Variants in ANKRD11 observed in about 807,000 individuals in gnomAD.
ANKRD11 encodes ankyrin repeat domain 11.
In ANKRD11, 17 loss-of-function variants were observed where a neutral mutation model predicts 195.7. The observed-to-expected ratio is 0.09, with a 90% CI of 0.06 to 0.13. The LOEUF is 0.13. Ranked by LOEUF, ANKRD11 falls within the 10% of genes least tolerant of loss-of-function variation. The pLI, the probability that ANKRD11 is intolerant of heterozygous loss-of-function variation, is 1.00. For missense variants in ANKRD11, 3,735 were observed against 3,566.1 expected (o/e 1.05, Z -1.21); for synonymous variants, 1,953 against 1,528.1 (o/e 1.28, Z -6.49).
chr16:89,355,901 C>G (rs1386049436), intron 2 of ANKRD11, among the ~76,000 whole-genome samples: 2 of 152,128 alleles, frequency 1.3e-5, no homozygotes, highest in Admixed American at 6.5e-5. Flanking sequence ...GTGCTCCCCC[C>G]AGCACAGCTC....
At chr16:89,275,920 G>A (rs991536319) in intron 9 of ANKRD11, among the ~76,000 whole-genome samples, 21 of 152,332 alleles carry the variant, frequency 1.4e-4, no homozygotes, top group Admixed American at 2.6e-4. Context: ...GAGCCCCGCA[G>A]TGCAGCAGAG....
At chr16:89,426,322 C>T (rs2042712925) in intron 1 of ANKRD11, among the ~76,000 whole-genome samples, 1 of 151,990 alleles carries the variant, frequency 6.6e-6, no homozygotes, top group African/African-American at 2.4e-5. Flanking sequence ...GAAAACAGCC[C>T]CAATAACACA....
rs575174461 is a variant in ANKRD11, at chr16:89,488,800, T to C, written c.-145+1445A>G. Among the ~76,000 whole-genome samples the C allele has an allele frequency of 3.3e-5, 5 of 152,342 alleles. 1 individual carries two copies. In the South Asian group the frequency reaches 1.0e-3, roughly 32 times the overall value. ...TTCTCATTTCAAGTGTTAAGGATAT[T>C]GCTCTAATGACTGCATAAAACTCTC... On this transcript the variant is annotated intron_variant, in intron 1 of 12. Coordinates refer to ENST00000301030, the MANE Select transcript of ANKRD11 (RefSeq NM_013275.6).
intron 2 of ANKRD11, among the ~76,000 whole-genome samples, chr16:89,366,784 C>T (rs574752864): frequency 6.6e-6 from 1 of 152,230 alleles, no homozygotes. Flanking sequence ...GTCCCACTTC[C>T]GGGGGCACCC....
chr16:89,460,220 A>G (rs562247318), intron 1 of ANKRD11, among the ~76,000 whole-genome samples: 1 of 152,296 alleles, frequency 6.6e-6, no homozygotes, highest in African/African-American at 2.4e-5. Context: ...CCTGGGCAAC[A>G]GACTAAGACA....
intron 1 of ANKRD11, among the ~76,000 whole-genome samples, chr16:89,479,306 T>A (rs1274472089): frequency 6.6e-6 from 1 of 151,804 alleles, no homozygotes; most frequent in Non-Finnish European, 1.5e-5. Context: ...AAGGAAAGTT[T>A]GCCTCCTAGA....
At chr16:89,324,547 G>T (rs969442373) in intron 2 of ANKRD11, 1 of 455,972 alleles carries the variant, frequency 2.2e-6, no homozygotes, top group East Asian at 6.9e-5. Flanking sequence ...GTCAGTGGAC[G>T]GGGAGAGGCC....
chr16:89,324,101 C>T (rs1842606616), intron 2 of ANKRD11: 4 of 452,670 alleles, frequency 8.8e-6, no homozygotes, highest in Non-Finnish European at 1.3e-5. Flanking sequence ...CTGCCGGCCT[C>T]GGCCTCCCAA....
intron 1 of ANKRD11, among the ~76,000 whole-genome samples, chr16:89,451,553 A>G (rs1206959287): frequency 6.6e-6 from 1 of 151,902 alleles, no homozygotes; most frequent in East Asian, 1.9e-4. Context: ...AGCTAAGATT[A>G]CTAAAGGCAC....
intron 1 of ANKRD11, among the ~76,000 whole-genome samples, chr16:89,484,353 T>C (rs1431422500): frequency 1.3e-5 from 2 of 152,194 alleles, no homozygotes; most frequent in Non-Finnish European, 2.9e-5. Context: ...TTTAGATAAG[T>C]TTAAACAGTA....
At chr16:89,359,390 T>C (rs1387601500) in intron 2 of ANKRD11, among the ~76,000 whole-genome samples, 2 of 152,206 alleles carry the variant, frequency 1.3e-5, no homozygotes, top group African/African-American at 4.8e-5. Context: ...AGCCAGCTCC[T>C]GGAGCCAGCC....
Position 89,307,454 on chromosome 16 carries a change from C to CA in ANKRD11, c.88-2111dup, listed in dbSNP as rs140176646. Among the ~76,000 whole-genome samples, 1,288 of 152,292 alleles carry CA rather than the reference C, an allele frequency of 8.5e-3. 15 individuals carry two copies. The highest frequency in any genetic ancestry group is 0.029 in the African/African-American group (1,204 of 41,554). Reference sequence around the variant, plus strand: ...TGCAAGCTCAGAGTGCAACTGGAGTCAAAGAGAAGCTGCCAAGCAGACCGG... The same window carrying CA: ...TGCAAGCTCAGAGTGCAACTGGAGTCAAAAGAGAAGCTGCCAAGCAGACCGG... On this transcript the variant is annotated intron_variant, in intron 3 of 12. Coordinates refer to ENST00000301030, the MANE Select transcript of ANKRD11 (RefSeq NM_013275.6).
At chr16:89,293,028 C>CA (rs1162857535) in intron 4 of ANKRD11, among the ~76,000 whole-genome samples, 2 of 152,192 alleles carry the variant, frequency 1.3e-5, no homozygotes, top group Non-Finnish European at 2.9e-5. Flanking sequence ...CGATAGCCCT[C>CA]AAGTCCTCCT....
intron 1 of ANKRD11, among the ~76,000 whole-genome samples, chr16:89,484,575 G>C (rs1307275562): frequency 6.6e-6 from 1 of 152,168 alleles, no homozygotes; most frequent in Non-Finnish European, 1.5e-5. Flanking sequence ...AAGAGCCATA[G>C]GGAGTCGAGG....
At chr16:89,353,169 C>A (rs1415367655) in intron 2 of ANKRD11, among the ~76,000 whole-genome samples, 2 of 152,022 alleles carry the variant, frequency 1.3e-5, no homozygotes, top group Non-Finnish European at 2.9e-5. Context: ...TGGTGAAACC[C>A]CGTCTCTACT....
intron 2 of ANKRD11, among the ~76,000 whole-genome samples, chr16:89,344,042 C>G (rs757931540): frequency 1.3e-5 from 2 of 152,172 alleles, no homozygotes; most frequent in African/African-American, 4.8e-5. Flanking sequence ...TCCTCAAGCC[C>G]GGCCCCGCCC....
intron 1 of ANKRD11, among the ~76,000 whole-genome samples, chr16:89,454,286 A>G (rs1164268727): frequency 1.3e-5 from 2 of 151,540 alleles, no homozygotes; most frequent in Non-Finnish European, 2.9e-5. Context: ...CCTGGGACAC[A>G]GGGGCAGATA....
In ANKRD11 at chr16:89,426,529, TCACA is replaced by T. The variant is rs55664494; in HGVS notation, c.-144-8165_-144-8162del. Among the ~76,000 whole-genome samples, 1,358 of 142,344 alleles carry T rather than the reference TCACA, an allele frequency of 9.5e-3. 21 individuals are homozygous for T. Among genetic ancestry groups the T allele is most frequent in the Middle Eastern group, 0.035 (10 of 286 alleles). The allele number at this position is 142,344 out of a possible 152,430, so 93.4% of individuals were successfully genotyped here. A position where few individuals can be genotyped will look rare whatever the true frequency, so the allele number is the denominator to read the frequency against. The stretch of plus-strand genomic sequence containing the variant: ...AGAGGCTCTGATGGTCACTTAAACA[TCACA>T]CACACACACACACACACACACACAC... On this transcript the variant is annotated intron_variant, in intron 1 of 12. Transcript: ENST00000301030.
chr16:89,281,561 G>A lies in ANKRD11; in HGVS notation c.4981C>T (p.Pro1661Ser). The change falls in exon 9 of 13, where the codon CCA becomes TCA. Residue 1661 changes from proline (P) to serine (S), a missense_variant. By Grantham distance (74) the Pro-to-Ser change is moderately conservative. Transcript: ENST00000301030. This position sits in a 1 kb window ranked among gnomAD's most constrained non-coding sequence, Gnocchi z 5.5. ...DKKLKESTPI[P>S]PAAENKLHPA... ...TGTAGCTTATTTTCCGCGGCAGGTG[G>A]AATAGGAGTCGACTCTTTGAGCTTT... The A allele has an allele frequency of 1.2e-6, 2 of 1,614,214 alleles. No homozygotes were observed. The highest frequency in any genetic ancestry group is 1.7e-6 in the Non-Finnish European group (2 of 1,180,044).
Sources: gnomAD v4.1 joint callset for allele counts (sites outside exome capture counted in the v4.1 genomes callset) on GRCh38, gnomAD v4.1.1 for gene constraint, Gnocchi (gnomAD v3.1) non-coding constraint, MANE v1.5 for transcripts, NCBI Gene and HGNC (gene_info 2026-07-23, HGNC 2026-07-21) for gene names.